Variants in TDRKH observed in about 807,000 individuals in gnomAD.
The protein encoded by TDRKH is tudor and KH domain-containing protein.
In TDRKH, 28 loss-of-function variants were observed where a neutral mutation model predicts 61.3. The ratio of observed to expected loss-of-function variants is 0.46; its 90% CI spans 0.34 to 0.63. The LOEUF is 0.63. TDRKH is among the 20% of genes least tolerant of loss of function. The pLI is 0.01. For synonymous variants in TDRKH, 219 were observed against 244.4 expected (o/e 0.90, Z 0.97); for missense variants, 540 against 683.4 (o/e 0.79, Z 2.34).
chr1:151,786,016 A>C (rs534218737), intron 1 of TDRKH, among the ~76,000 whole-genome samples: 1 of 152,372 alleles, frequency 6.6e-6, no homozygotes, highest in South Asian at 2.1e-4. Context: ...AACCCAAATA[A>C]TTATAATAAA....
downstream of TDRKH, chr1:151,770,329 C>T: frequency 2.0e-6 from 3 of 1,528,138 alleles, no homozygotes; most frequent in Middle Eastern, 1.8e-4. Flanking sequence ...TTATAGGAGA[C>T]CCTCTTCCCC....
chr1:151,776,818 T>C (rs1208964119), intron 6 of TDRKH, among the ~76,000 whole-genome samples: 1 of 152,270 alleles, frequency 6.6e-6, no homozygotes, highest in South Asian at 2.1e-4. Context: ...CTTACATTCT[T>C]TGTCATGTGC....
Position 151,790,049 on chromosome 1 carries a change from C to T in TDRKH, c.-28+331G>A, listed in dbSNP as rs147854200. The stretch of plus-strand genomic sequence containing the variant: ...AGAAAAAGCTGGGGAAAGTTAAAGG[C>T]AAAGTGATATACGGATGGCAGCTCT... On this transcript the variant is annotated intron_variant, in intron 1 of 12. Transcript: ENST00000368824. 4.9e-3 allele frequency among the ~76,000 whole-genome samples: 744 copies of T among 152,294 alleles called. 9 individuals are homozygous for T. Among genetic ancestry groups the T allele is most frequent in the African/African-American group, 0.017 (701 of 41,554 alleles).
intron 9 of TDRKH, 30 bp downstream of exon 9, chr1:151,775,790 T>C: frequency 6.2e-7 from 1 of 1,605,214 alleles, no homozygotes; most frequent in Non-Finnish European, 8.5e-7. Flanking sequence ...TATTTGGAGG[T>C]AAGCTCAATA....
Position 151,788,426 on chromosome 1 carries a change from G to C in TDRKH, c.-28+1954C>G, listed in dbSNP as rs186871631. On this transcript the variant is annotated intron_variant, in intron 1 of 12. Coordinates refer to ENST00000368824, the MANE Select transcript of TDRKH (RefSeq NM_001083965.2). The stretch of plus-strand genomic sequence containing the variant: ...AGATCTTGACAGGCAGGAGTCTTTA[G>C]GTCTTAAGGGCTTTGGGAAACTGAA... Among the ~76,000 whole-genome samples, 7 of 152,242 alleles carry C rather than the reference G, an allele frequency of 4.6e-5. No homozygotes were observed. In the East Asian group the frequency reaches 1.4e-3, roughly 29 times the overall value.
chr1:151,774,848 T>G (rs750835428), intron 11 of TDRKH, 42 bp from the exon 12 acceptor site: 3 of 1,603,848 alleles, frequency 1.9e-6, no homozygotes, highest in Admixed American at 3.4e-5. Context: ...ACATGTTGGC[T>G]TTTAGGAAAA....
chr1:151,769,850 A>G (rs559502772), downstream of TDRKH, among the ~76,000 whole-genome samples: 1 of 152,224 alleles, frequency 6.6e-6, no homozygotes, highest in Non-Finnish European at 1.5e-5. Context: ...AGGCTGGCAG[A>G]TCACTCGTGG....
chr1:151,766,499 T>A, downstream of TDRKH: 1 of 546,776 alleles, frequency 1.8e-6, no homozygotes, highest in East Asian at 3.1e-5. Context: ...AAGTTCTATT[T>A]TTTAATCATT....
intron 1 of TDRKH, among the ~76,000 whole-genome samples, chr1:151,785,404 A>G (rs932053170): frequency 1.3e-5 from 2 of 152,174 alleles, no homozygotes; most frequent in Non-Finnish European, 2.9e-5. Context: ...AGATTACTGC[A>G]TTGCTTAATT....
chr1:151,780,018 G>C lies in TDRKH; in HGVS notation c.354C>G (p.Ile118Met). 1 of 1,614,166 alleles carries C rather than the reference G, an allele frequency of 6.2e-7. No homozygotes were observed. Among genetic ancestry groups the C allele is most frequent in the Non-Finnish European group, 8.5e-7 (1 of 1,180,038 alleles). Residue 118 changes from isoleucine (I) to methionine (M), a missense_variant, in exon 4 of 13, where the codon ATC (isoleucine) becomes ATG (methionine). By Grantham distance (10) the Ile-to-Met change is conservative. This residue lies in a region of TDRKH where 156 missense variants were observed against 218.0 expected (regional missense o/e 0.72). Transcript: ENST00000368824. ...VCKAKAAIHQ[I>M]LTENTPVSEQ... Reference sequence around the variant, plus strand: ...CAGACACTGGGGTATTCTCTGTCAGGATCTGATGGATTGCTGCTTTGGCCT... The same window carrying C: ...CAGACACTGGGGTATTCTCTGTCAGCATCTGATGGATTGCTGCTTTGGCCT...
chr1:151,769,178 T>A (rs1194609146), downstream of TDRKH, among the ~76,000 whole-genome samples: 2 of 151,926 alleles, frequency 1.3e-5, no homozygotes, highest in African/African-American at 4.8e-5. Context: ...AGCTCTTGGG[T>A]ACACCTCCCA....
Position 151,780,018 on chromosome 1 carries a change from G to A in TDRKH, c.354C>T (p.Ile118=), listed in dbSNP as rs752323682. Residue 118 remains isoleucine (I), a synonymous_variant, in exon 4 of 13, where the codon ATC becomes ATT. Transcript: ENST00000368824. ...CAGACACTGGGGTATTCTCTGTCAGGATCTGATGGATTGCTGCTTTGGCCT... is the reference window on the plus strand; with the variant it reads ...CAGACACTGGGGTATTCTCTGTCAGAATCTGATGGATTGCTGCTTTGGCCT... ...VCKAKAAIHQ[I]LTENTPVSEQ... 6.8e-6 allele frequency: 11 copies of A among 1,614,166 alleles called. No homozygotes were observed. The highest frequency in any genetic ancestry group is 9.3e-6 in the Non-Finnish European group (11 of 1,180,038).
chr1:151,767,908 G>C (rs368675278), downstream of TDRKH: 1 of 992,038 alleles, frequency 1.0e-6, no homozygotes, highest in Non-Finnish European at 1.5e-6. Context: ...ATTAGTTCCT[G>C]GGACTAAGGG....
chr1:151,776,193 G>A lies in TDRKH; in HGVS notation c.1120C>T (p.Arg374Trp), dbSNP rs544162578. 1.9e-5 allele frequency: 30 copies of A among 1,614,106 alleles called. No individual in the cohort carries two copies. The highest frequency in any genetic ancestry group is 4.0e-5 in the African/African-American group (3 of 75,002). Residue 374 changes from arginine to tryptophan, a missense_variant, in exon 8 of 13, where the codon CGG (arginine) becomes TGG (tryptophan). Physicochemically the swap from Arg to Trp is moderately radical, Grantham distance 101 (BLOSUM62 -3). This residue lies in a region of TDRKH where 379 missense variants were observed against 443.8 expected (regional missense o/e 0.85). Transcript: ENST00000368824. ...CCATTCTCCAAGGTGCCGAGGACCC[G>A]GGCTCGATACCAGGAACCATTTGTA... ...LPTNGSWYRA[R>W]VLGTLENGNL...
At chr1:151,771,342 C>T (rs543044067), downstream of TDRKH, 47 of 1,448,118 alleles carry the variant, frequency 3.2e-5, no homozygotes, top group South Asian at 4.3e-5. Context: ...CAAGTGTTCA[C>T]GGTTTCTTGG....
At position 151,779,107 on chromosome 1, in the gene TDRKH, G is replaced by A; in HGVS notation, c.557C>T (p.Ala186Val). Residue 186 changes from alanine (A) to valine (V), a missense_variant, in exon 5 of 13, where the codon GCC becomes GTC. This residue lies in a region of TDRKH where 5 missense variants were observed against 21.6 expected (regional missense o/e 0.23). Transcript: ENST00000368824. ...ISGTQKEVAA[A>V]KHLILEKVSE... The stretch of plus-strand genomic sequence containing the variant: ...TCAAGTCTATTAGCTACTTGCCTTG[G>A]CTGCTGCCACTTCCTTCTGTGTTCC... 1.2e-6 allele frequency: 2 copies of A among 1,613,982 alleles called. No homozygotes were observed. Among genetic ancestry groups the A allele is most frequent in the South Asian group, 1.1e-5 (1 of 91,048 alleles).
intron 1 of TDRKH, among the ~76,000 whole-genome samples, chr1:151,787,268 G>A (rs1572014512): frequency 6.6e-6 from 1 of 152,140 alleles, no homozygotes; most frequent in African/African-American, 2.4e-5. Context: ...GCCCAGGCTG[G>A]AGTGCAGTGG....
chr1:151,787,994 TAA>T (rs1312663842), intron 1 of TDRKH, among the ~76,000 whole-genome samples: 1 of 145,488 alleles, frequency 6.9e-6, no homozygotes, highest in Non-Finnish European at 1.5e-5. Context: ...TCAAGGGGTT[TAA>T]AAAAAAAAAG....
At chr1:151,772,955 C>T (rs1363885597), downstream of TDRKH, among the ~76,000 whole-genome samples, 1 of 152,174 alleles carries the variant, frequency 6.6e-6, no homozygotes, top group Non-Finnish European at 1.5e-5. Context: ...CCTCCGCTTC[C>T]CAGGTTCAAG....
Sources: allele counts gnomAD v4.1 joint callset (sites outside exome capture counted in the v4.1 genomes callset), GRCh38; gene constraint gnomAD v4.1.1; regional missense constraint gnomAD v4.1.1; transcripts MANE v1.5; gene names NCBI Gene and HGNC (gene_info 2026-07-23, HGNC 2026-07-21).